FABP6: variants seen among roughly 807,000 people sequenced by gnomAD.
FABP6 encodes fatty acid binding protein 6, also known as gastrotropin.
Under a neutral mutation model 14.9 loss-of-function variants are expected in FABP6, and 13 were observed. The observed-to-expected ratio is 0.87, with a 90% CI of 0.57 to 1.39. The LOEUF is 1.39. Among genes scored for constraint, FABP6 ranks in the 40% most tolerant of loss-of-function variants. The pLI, the probability that FABP6 is intolerant of heterozygous loss-of-function variation, is 0.00. For missense variants in FABP6, 161 were observed against 167.2 expected (o/e 0.96, Z 0.20); for synonymous variants, 75 against 63.6 (o/e 1.18, Z -0.85).
chr5:160,194,816 C>T (rs1442528797), intron 1 of FABP6, among the ~76,000 whole-genome samples: 1 of 152,194 alleles, frequency 6.6e-6, no homozygotes, highest in African/African-American at 2.4e-5. Flanking sequence ...GTTTCCCTGC[C>T]TATACCTCCA....
At chr5:160,193,450 C>T (rs1759443018) in intron 1 of FABP6, among the ~76,000 whole-genome samples, 1 of 152,132 alleles carries the variant, frequency 6.6e-6, no homozygotes, top group African/African-American at 2.4e-5. Context: ...CGGGTTGCGA[C>T]TGCTGGCTCA....
At chr5:160,198,911 G>A in intron 1 of FABP6, 2 of 593,474 alleles carry the variant, frequency 3.4e-6, no homozygotes, top group East Asian at 2.8e-5. Context: ...GACCTCACGT[G>A]TTTCTTCTGT....
At position 160,238,710 on chromosome 5, in the gene FABP6, A is replaced by T. The variant is rs777078316; in HGVS notation, c.*51A>T. 7 of 1,572,302 alleles carry T rather than the reference A, an allele frequency of 4.5e-6. No individual in the cohort carries two copies. In the East Asian group the frequency reaches 1.3e-4, roughly 30 times the overall value. On this transcript the variant is annotated 3_prime_UTR_variant, in exon 4 of 4. Coordinates refer to ENST00000402432, the MANE Select transcript of FABP6 (RefSeq NM_001445.3). ...ACAAACCCACCAATAAAACTGATATAAGGACAGACGCTGCTCGCTCCAGAA... is the reference window on the plus strand; with the variant it reads ...ACAAACCCACCAATAAAACTGATATTAGGACAGACGCTGCTCGCTCCAGAA...
chr5:160,215,264 G>A (rs544228048), intron 3 of FABP6, among the ~76,000 whole-genome samples: 3 of 151,880 alleles, frequency 2.0e-5, no homozygotes, highest in Non-Finnish European at 4.4e-5. Flanking sequence ...CTGTAATCCC[G>A]GCACTTTGGG....
intron 2 of FABP6, among the ~76,000 whole-genome samples, chr5:160,202,598 C>A (rs2113080548): frequency 6.6e-6 from 1 of 152,160 alleles, no homozygotes; most frequent in African/African-American, 2.4e-5. Flanking sequence ...AGATCGAGAC[C>A]ATTCTGGCTA....
At chr5:160,214,093 T>C (rs1312031242) in intron 3 of FABP6, among the ~76,000 whole-genome samples, 10 of 12,884 alleles carry the variant, frequency 7.8e-4, no homozygotes, top group South Asian at 2.4e-3. Context: ...GCCTTTCTCT[T>C]TCTTTCTTTC....
chr5:160,192,065 G>A (rs1759405954), intron 1 of FABP6, among the ~76,000 whole-genome samples: 1 of 151,226 alleles, frequency 6.6e-6, no homozygotes, highest in Admixed American at 6.6e-5. Flanking sequence ...TCTCTAACTT[G>A]CCAGGGAGCC....
chr5:160,225,097 T>C (rs1183711943), upstream of FABP6, among the ~76,000 whole-genome samples: 1 of 151,580 alleles, frequency 6.6e-6, no homozygotes, highest in Non-Finnish European at 1.5e-5. Flanking sequence ...ATAGCAGTTT[T>C]TTTTTTTTGT....
chr5:160,207,999 C>T (rs1561745855), intron 2 of FABP6, among the ~76,000 whole-genome samples: 1 of 152,152 alleles, frequency 6.6e-6, no homozygotes, highest in Non-Finnish European at 1.5e-5. Flanking sequence ...GCTGGGATTA[C>T]AGGAGTGAGC....
intron 3 of FABP6, among the ~76,000 whole-genome samples, chr5:160,214,093 TTC>T (rs1279944893): frequency 7.8e-5 from 1 of 12,886 alleles, no homozygotes; most frequent in Non-Finnish European, 1.8e-4. Flanking sequence ...GCCTTTCTCT[TTC>T]TTTCTTTCTT....
At chr5:160,235,549 A>T (rs116097176) in intron 3 of FABP6, among the ~76,000 whole-genome samples, 1 of 152,178 alleles carries the variant, frequency 6.6e-6, no homozygotes, top group African/African-American at 2.4e-5. Flanking sequence ...TGGGTCTCCA[A>T]GTTTTCCCCA....
intron 1 of FABP6, among the ~76,000 whole-genome samples, chr5:160,229,895 A>G (rs1760337061): frequency 1.4e-5 from 2 of 143,696 alleles, no homozygotes; most frequent in African/African-American, 2.6e-5. Context: ...TATTTTTGAG[A>G]CAGAGTCTCA....
At chr5:160,198,979 G>T in intron 1 of FABP6, 1 of 949,256 alleles carries the variant, frequency 1.1e-6, no homozygotes, top group South Asian at 1.4e-5. Context: ...GGATTGAATA[G>T]ACAAATGAAT....
intron 3 of FABP6, among the ~76,000 whole-genome samples, chr5:160,219,280 C>T (rs1180334126): frequency 6.6e-6 from 1 of 152,148 alleles, no homozygotes; most frequent in Non-Finnish European, 1.5e-5. Context: ...AGGCATTACT[C>T]TGAGAATAAT....
chr5:160,211,807 T>C (rs1055176079), intron 2 of FABP6, among the ~76,000 whole-genome samples: 3 of 152,164 alleles, frequency 2.0e-5, no homozygotes, highest in Non-Finnish European at 4.4e-5. Context: ...CTTTGGCTGA[T>C]GCCTGAGCCG....
chr5:160,196,355 G>T (rs1759508482), intron 1 of FABP6, among the ~76,000 whole-genome samples: 1 of 152,194 alleles, frequency 6.6e-6, no homozygotes, highest in Non-Finnish European at 1.5e-5. Context: ...TCCAGGTTTA[G>T]ATAAAGATGA....
At chr5:160,199,014 C>A in intron 1 of FABP6, 2 of 1,290,284 alleles carry the variant, frequency 1.6e-6, no homozygotes, top group Non-Finnish European at 2.2e-6. Context: ...TCTCCAGAGC[C>A]CCTCCCAGCG....
intron 2 of FABP6, among the ~76,000 whole-genome samples, chr5:160,203,703 CTTTT>C (rs11313636): frequency 2.1e-5 from 3 of 142,560 alleles, no homozygotes; most frequent in Admixed American, 1.4e-4. Context: ...TATTATATTT[CTTTT>C]TTTTTTTTTT....
intron 1 of FABP6, among the ~76,000 whole-genome samples, chr5:160,193,411 G>T (rs551870215): frequency 6.6e-6 from 1 of 152,210 alleles, no homozygotes; most frequent in African/African-American, 2.4e-5. Flanking sequence ...AAAAGAACAA[G>T]GCTTCCACAG....
Sources: allele counts gnomAD v4.1 joint callset (sites outside exome capture counted in the v4.1 genomes callset), GRCh38; gene constraint gnomAD v4.1.1; transcripts MANE v1.5; gene names NCBI Gene and HGNC (gene_info 2026-07-23, HGNC 2026-07-21).